The following TSFM variants were observed in gnomAD, a reference collection of about 807,000 sequenced individuals.
The protein encoded by TSFM is Ts translation elongation factor, mitochondrial.
In TSFM, 29 loss-of-function variants were observed where a neutral mutation model predicts 33.4. The observed-to-expected ratio is 0.87, with a 90% CI of 0.65 to 1.18. The LOEUF (loss-of-function observed/expected upper bound fraction) is 1.18. Ranked by LOEUF, TSFM falls within the 50% of genes most tolerant of loss-of-function variation. The pLI is 0.00. For synonymous variants in TSFM, 178 were observed against 163.5 expected, an observed-to-expected ratio of 1.09 and a Z score of -0.68; for missense variants, 394 against 395.6, an observed-to-expected ratio of 1.00 and a Z score of 0.04.
At chr12:57,798,275 T>C (rs1424728535), downstream of TSFM, among the ~76,000 whole-genome samples, 8 of 152,376 alleles carry the variant, frequency 5.3e-5, no homozygotes, top group African/African-American at 1.9e-4. Flanking sequence ...AAATGGGTTA[T>C]GTATTAAGGA....
downstream of TSFM, chr12:57,802,633 T>A (rs1287364834): frequency 1.5e-6 from 1 of 682,764 alleles, no homozygotes; most frequent in Non-Finnish European, 2.6e-6. Context: ...TCCTCTTGAC[T>A]GCTCTAAGCA....
intron 4 of TSFM, among the ~76,000 whole-genome samples, chr12:57,789,114 A>G (rs373181345): frequency 4.0e-5 from 6 of 151,898 alleles, no homozygotes; most frequent in East Asian, 3.9e-4. Flanking sequence ...GGCACCTGCC[A>G]TCATGCCCGG....
intron 4 of TSFM, 82 bp downstream of exon 4, chr12:57,787,244 T>C: frequency 7.4e-7 from 1 of 1,342,824 alleles, no homozygotes; most frequent in Non-Finnish European, 1.0e-6. Flanking sequence ...GACATTCTCA[T>C]GTCTCATTCT....
At position 57,790,510 on chromosome 12, in the gene TSFM, CTAAG is replaced by C. The variant is rs778232042; in HGVS notation, c.484-2474_484-2471del. 2.0e-4 allele frequency among the ~76,000 whole-genome samples: 31 copies of C among 152,160 alleles called. 1 individual carries two copies. Among genetic ancestry groups the C allele is most frequent in the Admixed American group, 6.5e-5 (1 of 15,282 alleles). ...GTTTTTAGTTATGTACTCATATGTACTAAGTGTTACAATATATATACAAAATTGT... is the reference window on the plus strand; with the variant it reads ...GTTTTTAGTTATGTACTCATATGTACTGTTACAATATATATACAAAATTGT... On this transcript the variant is annotated intron_variant, in intron 4 of 5. Transcript: ENST00000652027.
At chr12:57,801,416 C>A, downstream of TSFM, 1 of 438,134 alleles carries the variant, frequency 2.3e-6, no homozygotes, top group Non-Finnish European at 4.2e-6. Context: ...TTGATGGTAA[C>A]CCCTCAGTCC....
At chr12:57,783,753 C>T in intron 2 of TSFM, 2 of 577,004 alleles carry the variant, frequency 3.5e-6, no homozygotes, top group Non-Finnish European at 6.1e-6. Flanking sequence ...GCCACGACAC[C>T]CGGCTATTTT....
chr12:57,789,873 ATTAT>A (rs1472154042), intron 4 of TSFM, among the ~76,000 whole-genome samples: 1 of 151,918 alleles, frequency 6.6e-6, no homozygotes, highest in Non-Finnish European at 1.5e-5. Flanking sequence ...ATATGCCCTT[ATTAT>A]TTTCTGAGTA....
chr12:57,789,590 T>C (rs887719898), intron 4 of TSFM, among the ~76,000 whole-genome samples: 1 of 152,080 alleles, frequency 6.6e-6, no homozygotes, highest in Non-Finnish European at 1.5e-5. Flanking sequence ...GGTCTCGCAC[T>C]CCTGACCTCA....
intron 3 of TSFM, 106 bp downstream of exon 3, chr12:57,786,397 A>C: frequency 7.4e-7 from 1 of 1,355,282 alleles, no homozygotes; most frequent in Non-Finnish European, 9.7e-7. Context: ...CTGTTTAAGA[A>C]CCATAAAGCG....
Position 57,783,156 on chromosome 12 carries a change from A to G in TSFM, c.104A>G (p.Tyr35Cys). The G allele has an allele frequency of 1.9e-6, 3 of 1,612,924 alleles. No individual in the cohort carries two copies. ...TCGCCCCAGCCAAGGCACACATTTT[A>G]TGCTGGGCCCCGTCTGTCTGCCTCG... Reference protein sequence around the residue: ...RQSPQPRHTFYAGPRLSASAS... With the variant: ...RQSPQPRHTFCAGPRLSASAS... The change falls in exon 2 of 6, where the codon TAT becomes TGT. Residue 35 changes from tyrosine (Y) to cysteine (C), a missense_variant. Coordinates refer to ENST00000652027, the MANE Select transcript of TSFM (RefSeq NM_005726.6).
At chr12:57,794,294 T>C (rs1955701813) in intron 5 of TSFM, among the ~76,000 whole-genome samples, 1 of 152,214 alleles carries the variant, frequency 6.6e-6, no homozygotes, top group Admixed American at 6.5e-5. Flanking sequence ...TTCATGACTT[T>C]TAGATATGAC....
downstream of TSFM, among the ~76,000 whole-genome samples, chr12:57,799,151 C>A (rs1955795898): frequency 6.6e-6 from 1 of 152,012 alleles, no homozygotes; most frequent in Non-Finnish European, 1.5e-5. Context: ...GAAATGCCTC[C>A]CTGGGGAGGT....
chr12:57,789,202 G>A (rs531685898), intron 4 of TSFM, among the ~76,000 whole-genome samples: 1 of 152,054 alleles, frequency 6.6e-6, no homozygotes, highest in East Asian at 1.9e-4. Context: ...GACCTCAGGT[G>A]ATCTGCCCAC....
At chr12:57,785,400 G>A (rs1405984795) in intron 2 of TSFM, among the ~76,000 whole-genome samples, 4 of 152,152 alleles carry the variant, frequency 2.6e-5, no homozygotes, top group African/African-American at 9.7e-5. Context: ...CATCTCCTAT[G>A]ATAACAATGT....
In TSFM at chr12:57,782,852, C is replaced by T. The variant is rs1251030877; in HGVS notation, c.51C>T (p.Ser17=). The T allele has an allele frequency of 5.0e-6, 8 of 1,593,606 alleles. No individual in the cohort carries two copies. The Admixed American group carries it at 7.0e-5, about 14-fold the overall frequency. ...TGTTTCTGGTCGCGCGGACCGGGAG[C>T]TACCCGGTGAGAAGTCCTGGTGCTG... The part of the protein sequence containing the change: ...LRVFLVARTG[S]YPAGSLLRQS... The change falls in exon 1 of 6, where the codon AGC becomes AGT. Residue 17 remains serine, a synonymous_variant. Coordinates refer to ENST00000652027, the MANE Select transcript of TSFM (RefSeq NM_005726.6).
downstream of TSFM, chr12:57,801,109 G>A: frequency 6.3e-7 from 1 of 1,591,480 alleles, no homozygotes; most frequent in South Asian, 1.1e-5. Flanking sequence ...GGTTGCCCAT[G>A]TGGCTGGCTT....
intron 2 of TSFM, chr12:57,783,656 C>T (rs1595134790): frequency 3.5e-6 from 2 of 575,404 alleles, no homozygotes; most frequent in East Asian, 8.3e-5. Flanking sequence ...TGCAATGGCA[C>T]GATGTTGGCT....
chr12:57,802,705 C>T (rs1955875322), downstream of TSFM: 7 of 611,096 alleles, frequency 1.1e-5, no homozygotes, highest in South Asian at 8.0e-5. Flanking sequence ...TGAGTCTCCA[C>T]TTTTGATAGG....
At chr12:57,796,134 C>T in intron 5 of TSFM, 43 bp from the exon 6 acceptor site, 1 of 1,528,402 alleles carries the variant, frequency 6.5e-7, no homozygotes, top group South Asian at 1.3e-5. Flanking sequence ...TCACAGACAT[C>T]ACAATTTGTT....
Sources: allele counts gnomAD v4.1 joint callset (sites outside exome capture counted in the v4.1 genomes callset), GRCh38; gene constraint gnomAD v4.1.1; transcripts MANE v1.5; gene names NCBI Gene and HGNC (gene_info 2026-07-23, HGNC 2026-07-21).